The following SMIM7 variants were observed in gnomAD, a reference collection of about 807,000 sequenced individuals.
SMIM7 encodes the protein UPF0608 protein C19orf42.
In SMIM7, 12 loss-of-function variants were observed where a neutral mutation model predicts 13.3. The observed-to-expected ratio is 0.90, with a 90% CI of 0.58 to 1.46. SMIM7 has a LOEUF of 1.46. Among genes scored for constraint, SMIM7 ranks in the 40% most tolerant of loss-of-function variants. The pLI, the probability that SMIM7 is intolerant of heterozygous loss-of-function variation, is 0.00. For synonymous variants in SMIM7, 36 were observed against 35.8 expected, an observed-to-expected ratio of 1.01 and a Z score of -0.02; for missense variants, 114 against 94.8, an observed-to-expected ratio of 1.20 and a Z score of -0.84.
chr19:16,653,550 T>A (rs935833301), intron 4 of SMIM7: 1 of 159,416 alleles, frequency 6.3e-6, no homozygotes, highest in African/African-American at 2.5e-5. Context: ...GCCACTGCAC[T>A]CCAGCCTGGG....
chr19:16,635,899 A>AAAAAAAAATATATATATAT (rs1200181092), intron 4 of SMIM7, among the ~76,000 whole-genome samples: 1 of 109,600 alleles, frequency 9.1e-6, no homozygotes, highest in African/African-American at 4.3e-5. Flanking sequence ...AAAAAAAAAA[A>AAAAAAAAATATATATATAT]ATATATATAT....
intron 4 of SMIM7, among the ~76,000 whole-genome samples, chr19:16,648,554 C>G (rs868500673): frequency 1.3e-5 from 2 of 152,082 alleles, no homozygotes; most frequent in Non-Finnish European, 2.9e-5. Flanking sequence ...GGACTGATAA[C>G]GAGAATACAC....
At chr19:16,647,516 T>G (rs1010260075) in intron 4 of SMIM7, among the ~76,000 whole-genome samples, 2 of 150,364 alleles carry the variant, frequency 1.3e-5, no homozygotes, top group African/African-American at 4.9e-5. Flanking sequence ...AGTACAGTGG[T>G]GCGATCTCAG....
chr19:16,659,482 G>A, intron 2 of SMIM7, 35 bp from the exon 3 acceptor site: 1 of 1,599,712 alleles, frequency 6.3e-7, no homozygotes, highest in East Asian at 2.2e-5. Flanking sequence ...CACTTTCAAT[G>A]GGACATAGAG....
chr19:16,650,709 CAAAAA>C (rs571019127), intron 4 of SMIM7, among the ~76,000 whole-genome samples: 13 of 98,166 alleles, frequency 1.3e-4, no homozygotes, highest in Non-Finnish European at 2.3e-4. Flanking sequence ...GACTCCACCT[CAAAAA>C]AAAAAAAAAA....
chr19:16,644,483 C>A (rs1406175676), downstream of SMIM7, among the ~76,000 whole-genome samples: 7 of 151,026 alleles, frequency 4.6e-5, no homozygotes, highest in Non-Finnish European at 7.4e-5. Flanking sequence ...GTCACCCAGG[C>A]TGGAGTGCAC....
At chr19:16,648,550 A>G (rs190899401) in intron 4 of SMIM7, among the ~76,000 whole-genome samples, 8 of 152,378 alleles carry the variant, frequency 5.3e-5, no homozygotes, top group Non-Finnish European at 1.2e-4. Context: ...TAATGGACTG[A>G]TAACGAGAAT....
intron 4 of SMIM7, among the ~76,000 whole-genome samples, chr19:16,653,409 C>G (rs543001559): frequency 1.8e-4 from 27 of 152,068 alleles, no homozygotes; most frequent in African/African-American, 6.5e-4. Flanking sequence ...ATGATGAAAC[C>G]CTGTCTCTTG....
downstream of SMIM7, chr19:16,645,584 GCAAGAGCCCAC>G (rs1278004552): frequency 2.0e-5 from 3 of 151,906 alleles, no homozygotes; most frequent in East Asian, 5.8e-4. Context: ...CCCTGGTCTA[GCAAGAGCCCAC>G]CATTAGCAAT....
chr19:16,637,889 A>G (rs541529345), intron 4 of SMIM7, among the ~76,000 whole-genome samples: 1 of 152,316 alleles, frequency 6.6e-6, no homozygotes, highest in East Asian at 1.9e-4. Flanking sequence ...GACCTCCAAC[A>G]GGGACTGTAT....
intron 4 of SMIM7, chr19:16,634,068 A>G (rs1238154464): frequency 2.0e-5 from 3 of 152,252 alleles, no homozygotes; most frequent in Non-Finnish European, 4.4e-5. Context: ...TGGCTAATCT[A>G]AAGTGAGCTT....
chr19:16,657,678 T>TAACTGGGTCAGCACCC (rs1306778176), intron 3 of SMIM7, among the ~76,000 whole-genome samples: 1 of 152,176 alleles, frequency 6.6e-6, no homozygotes, highest in African/African-American at 2.4e-5. Flanking sequence ...AGGAAGCACC[T>TAACTGGGTCAGCACCC]AACTGGGTCA....
At chr19:16,659,282 CAAA>C (rs752864646) in intron 3 of SMIM7, 110 bp downstream of exon 3, 24,488 of 506,274 alleles carry the variant, frequency 0.048, no homozygotes, top group Middle Eastern at 0.064. Flanking sequence ...GACCTTGTGT[CAAA>C]AAAAAAAAAA....
chr19:16,636,767 C>T (rs1351410037), intron 4 of SMIM7, among the ~76,000 whole-genome samples: 1 of 151,952 alleles, frequency 6.6e-6, no homozygotes, highest in Non-Finnish European at 1.5e-5. Flanking sequence ...GCCTGGGCAA[C>T]ATAGTGAGAC....
intron 4 of SMIM7, chr19:16,640,636 C>CT (rs1375689160): frequency 6.6e-6 from 1 of 152,236 alleles, no homozygotes; most frequent in Non-Finnish European, 1.5e-5. Context: ...TTTCGTCTAA[C>CT]TATCAAGAGA....
chr19:16,655,295 C>T (rs1017672975), intron 3 of SMIM7: 4 of 455,988 alleles, frequency 8.8e-6, no homozygotes, highest in African/African-American at 2.0e-5. Context: ...CAATTTAGTA[C>T]GTGAAGACTC....
chr19:16,659,788 G>C (rs896836575), intron 2 of SMIM7, 171 bp downstream of exon 2: 9 of 839,578 alleles, frequency 1.1e-5, no homozygotes, highest in Non-Finnish European at 1.7e-5. Flanking sequence ...AAGGTCTCTC[G>C]GGGGGTGGGG....
intron 3 of SMIM7, among the ~76,000 whole-genome samples, chr19:16,658,943 G>C (rs911312125): frequency 1.3e-5 from 2 of 151,958 alleles, no homozygotes; most frequent in Non-Finnish European, 2.9e-5. Flanking sequence ...AGATGACAGA[G>C]GTAGGCAGAA....
chr19:16,633,477 A>AC, intron 4 of SMIM7, among the ~76,000 whole-genome samples: 1 of 151,864 alleles, frequency 6.6e-6, no homozygotes, highest in Admixed American at 6.5e-5. Flanking sequence ...AAAAAAAAAA[A>AC]AAAAAAGGAA....
Sources: gnomAD v4.1 joint callset for allele counts (sites outside exome capture counted in the v4.1 genomes callset) on GRCh38, gnomAD v4.1.1 for gene constraint, MANE v1.5 for transcripts, NCBI Gene and HGNC (gene_info 2026-07-23, HGNC 2026-07-21) for gene names.